Variants in MACROD1 observed in about 807,000 individuals in gnomAD.
MACROD1 encodes ADP-ribose glycohydrolase MACROD1.
A neutral mutation model predicts 41.4 loss-of-function variants in MACROD1; 31 were observed. The observed-to-expected ratio is 0.75, with a 90% confidence interval of 0.56 to 1.01. MACROD1 has a LOEUF of 1.01. Ranked by LOEUF, MACROD1 falls within the 50% of genes least tolerant of loss-of-function variation. The pLI, the probability that MACROD1 is intolerant of heterozygous loss-of-function variation, is 0.00. For missense variants in MACROD1, 473 were observed against 460.0 expected, an observed-to-expected ratio of 1.03 and a Z score of -0.26; for synonymous variants, 252 against 203.4, an observed-to-expected ratio of 1.24 and a Z score of -2.03.
At chr11:64,086,590 C>A (rs558745691) in intron 3 of MACROD1, among the ~76,000 whole-genome samples, 5 of 152,132 alleles carry the variant, frequency 3.3e-5, no homozygotes, top group Non-Finnish European at 5.9e-5. Context: ...CTTTGCACAG[C>A]GGTTCTGCGA....
intron 3 of MACROD1, chr11:64,119,217 G>C (rs190576445): frequency 9.3e-4 from 154 of 165,198 alleles, no homozygotes; most frequent in Non-Finnish European, 1.5e-3. Flanking sequence ...GTGTGTTGGG[G>C]ATGGGAGTGA....
intron 3 of MACROD1, among the ~76,000 whole-genome samples, chr11:64,077,175 A>G (rs953796827): frequency 6.6e-6 from 1 of 152,132 alleles, no homozygotes; most frequent in Non-Finnish European, 1.5e-5. Context: ...TCTGCAGCTG[A>G]GGTCTTCAGA....
chr11:64,107,273 T>G (rs1045330147), intron 3 of MACROD1, among the ~76,000 whole-genome samples: 1 of 152,186 alleles, frequency 6.6e-6, no homozygotes, highest in Non-Finnish European at 1.5e-5. Context: ...AAATATCAGG[T>G]GTAGGAGCAT....
chr11:63,999,894 G>A (rs1246541895), intron 5 of MACROD1, 131 bp from the exon 6 acceptor site: 5 of 1,086,998 alleles, frequency 4.6e-6, no homozygotes, highest in South Asian at 3.2e-5. Context: ...CCTCCGCGAA[G>A]GCCCCCACCC....
intron 1 of MACROD1, among the ~76,000 whole-genome samples, chr11:64,156,229 T>C (rs1001077659): frequency 1.3e-5 from 2 of 152,056 alleles, no homozygotes; most frequent in African/African-American, 2.4e-5. Flanking sequence ...TTCAGTGAGC[T>C]GTGATTGTGC....
At chr11:64,153,551 T>C (rs1945617972) in intron 1 of MACROD1, among the ~76,000 whole-genome samples, 1 of 152,104 alleles carries the variant, frequency 6.6e-6, no homozygotes, top group African/African-American at 2.4e-5. Flanking sequence ...CCAGAGTCAC[T>C]TCATCATCCA....
chr11:64,021,856 G>T (rs956210134), intron 3 of MACROD1, among the ~76,000 whole-genome samples: 2 of 149,132 alleles, frequency 1.3e-5, no homozygotes, highest in Non-Finnish European at 3.0e-5. Flanking sequence ...AGGAAAGACA[G>T]CACGAGAATC....
chr11:64,031,017 G>A (rs915493473), intron 3 of MACROD1, among the ~76,000 whole-genome samples: 6 of 152,124 alleles, frequency 3.9e-5, no homozygotes, highest in Non-Finnish European at 2.9e-5. Flanking sequence ...AGGGTGCAGA[G>A]AAGTAAGACC....
intron 3 of MACROD1, among the ~76,000 whole-genome samples, chr11:64,114,616 TGGATGGAC>T (rs1944940834): frequency 2.7e-5 from 4 of 150,596 alleles, no homozygotes; most frequent in Admixed American, 6.6e-5. Context: ...GATGGATGGA[TGGATGGAC>T]AGGTGCATGC....
At chr11:64,105,428 G>A (rs1176727948) in intron 3 of MACROD1, among the ~76,000 whole-genome samples, 1 of 152,236 alleles carries the variant, frequency 6.6e-6, no homozygotes, top group East Asian at 1.9e-4. Flanking sequence ...GTTGGGGCCT[G>A]GCCCTCTGGT....
In MACROD1 at chr11:64,067,761, G is replaced by T. The variant is rs1490652988; in HGVS notation, c.518-52480C>A. Among the ~76,000 whole-genome samples, 1 of 152,214 alleles carries T rather than the reference G, an allele frequency of 6.6e-6. No individual in the cohort carries two copies. The highest frequency in any genetic ancestry group is 2.4e-5 in the African/African-American group (1 of 41,448). ...TGCCACCCCCAGCTTGTGAACTGGG[G>T]GTGGCCCCAGAGCTGTTTGTTTTCC... On this transcript the variant is annotated intron_variant, in intron 3 of 10. Coordinates refer to ENST00000255681, the MANE Select transcript of MACROD1 (RefSeq NM_014067.4). The surrounding 1 kb of genome is among the most constrained non-coding windows in gnomAD (Gnocchi z 4.6).
At chr11:64,075,521 C>A (rs12293397) in intron 3 of MACROD1, among the ~76,000 whole-genome samples, 1 of 152,246 alleles carries the variant, frequency 6.6e-6, no homozygotes, top group African/African-American at 2.4e-5. Context: ...GGGCTCAAAC[C>A]GAGGGAACAG....
intron 4 of MACROD1, among the ~76,000 whole-genome samples, chr11:64,004,378 G>T (rs1448224172): frequency 6.6e-6 from 1 of 152,234 alleles, no homozygotes; most frequent in Admixed American, 6.5e-5. Flanking sequence ...GCTATTTAGG[G>T]TGCTGTAATA....
At chr11:64,081,410 C>T (rs770615342) in intron 3 of MACROD1, among the ~76,000 whole-genome samples, 2 of 152,194 alleles carry the variant, frequency 1.3e-5, no homozygotes, top group African/African-American at 2.4e-5. Context: ...GTTACAACAG[C>T]ACTGTGGTCC....
intron 3 of MACROD1, among the ~76,000 whole-genome samples, chr11:64,136,084 C>T (rs889012399): frequency 6.6e-6 from 1 of 152,230 alleles, no homozygotes; most frequent in Admixed American, 6.5e-5. Context: ...AAGGACACTG[C>T]CACAAAGGTG....
At chr11:64,134,874 G>A (rs1230812518) in intron 3 of MACROD1, among the ~76,000 whole-genome samples, 1 of 152,204 alleles carries the variant, frequency 6.6e-6, no homozygotes, top group Non-Finnish European at 1.5e-5. Flanking sequence ...ATTAAGAGAG[G>A]AGTAGAGAAG....
At chr11:64,003,687 C>G (rs928822948) in intron 4 of MACROD1, among the ~76,000 whole-genome samples, 2 of 152,218 alleles carry the variant, frequency 1.3e-5, no homozygotes, top group African/African-American at 4.8e-5. Context: ...GCACAGAGAG[C>G]AAAACTTGCC....
In MACROD1 at chr11:64,067,376, G is replaced by C. The variant is rs1053628512; in HGVS notation, c.518-52095C>G. 5.3e-5 allele frequency among the ~76,000 whole-genome samples: 8 copies of C among 152,270 alleles called. No homozygotes were observed. The East Asian group carries it at 7.7e-4, about 15-fold the overall frequency. On this transcript the variant is annotated intron_variant, in intron 3 of 10. Transcript: ENST00000255681. This position sits in a 1 kb window ranked among gnomAD's most constrained non-coding sequence, Gnocchi z 4.6. ...ATCGGGCAAAATAGCAGCTGCTGAC[G>C]TGAAAATGAAATATAGATTCAATAC... is the stretch of plus-strand genomic sequence containing the variant.
At chr11:64,063,761 T>C (rs1943947151) in intron 3 of MACROD1, among the ~76,000 whole-genome samples, 1 of 152,176 alleles carries the variant, frequency 6.6e-6, no homozygotes, top group African/African-American at 2.4e-5. Context: ...CTCGCCCGGC[T>C]GTCAGCCAGC....
Sources: gnomAD v4.1 joint callset for allele counts (sites outside exome capture counted in the v4.1 genomes callset) on GRCh38, gnomAD v4.1.1 for gene constraint, Gnocchi (gnomAD v3.1) non-coding constraint, MANE v1.5 for transcripts, NCBI Gene and HGNC (gene_info 2026-07-23, HGNC 2026-07-21) for gene names.